Variants in ITGA3 observed in about 807,000 individuals in gnomAD.
ITGA3 encodes the protein integrin alpha-3.
In ITGA3, 70 loss-of-function variants were observed where a neutral mutation model predicts 131.1. The observed-to-expected ratio is 0.53, with a 90% CI of 0.44 to 0.65. ITGA3 has a LOEUF of 0.65. Among genes scored for constraint, ITGA3 ranks in the 30% least tolerant of loss-of-function variants. The pLI is 0.00. For missense variants in ITGA3, 1,098 were observed against 1,388.6 expected (o/e 0.79, Z 3.33); for synonymous variants, 537 against 571.6 (o/e 0.94, Z 0.86).
chr17:50,056,321 G>A lies in ITGA3; in HGVS notation c.-119G>A, dbSNP rs933633966. 3 of 643,232 alleles carry A rather than the reference G, an allele frequency of 4.7e-6. No homozygotes were observed. The highest frequency in any genetic ancestry group is 3.9e-5 in the African/African-American group (2 of 51,098). 39.8% of individuals were successfully genotyped at this position (643,232 alleles called of 1,614,324 possible). On this transcript the variant is annotated 5_prime_UTR_variant, in exon 1 of 26. Coordinates refer to ENST00000320031, the MANE Select transcript of ITGA3 (RefSeq NM_002204.4). This position sits in a 1 kb window ranked among gnomAD's most constrained non-coding sequence, Gnocchi z 5.6. ...GCACGAAACCGATCAGCGCTACGGA[G>A]CGCAGCGGCCGGCGGGTTCCAGTGT...
At position 50,089,359 on chromosome 17, in the gene ITGA3, C is replaced by G. The variant is rs540108856; in HGVS notation, c.*281C>G. 2.7e-6 allele frequency: 3 copies of G among 1,103,644 alleles called. No homozygotes were observed. In the Admixed American group the frequency reaches 6.6e-5, roughly 24 times the overall value. 68.4% of individuals were successfully genotyped at this position (1,103,644 alleles called of 1,614,324 possible). On this transcript the variant is annotated 3_prime_UTR_variant, in exon 26 of 26. Transcript: ENST00000320031. ...TCTGACAGTCCACAGGGGCCACCAC[C>G]TTTGGCTGGTAGCAGCAGGCTCAGG... is the stretch of plus-strand genomic sequence containing the variant.
chr17:50,080,508 T>G, intron 22 of ITGA3, 133 bp downstream of exon 22: 1 of 520,126 alleles, frequency 1.9e-6, no homozygotes, highest in South Asian at 2.5e-5. Context: ...GTGTGTGTGA[T>G]TTGCGTGTCT....
intron 5 of ITGA3, 57 bp downstream of exon 5, chr17:50,070,987 G>C (rs957563043): frequency 9.0e-7 from 1 of 1,114,360 alleles, no homozygotes; most frequent in African/African-American, 1.5e-5. Flanking sequence ...CTTAGTCCCT[G>C]GTGGAAAGGT....
At chr17:50,085,839 T>A (rs1393537479) in intron 23 of ITGA3, among the ~76,000 whole-genome samples, 1 of 73,926 alleles carries the variant, frequency 1.4e-5, no homozygotes, top group African/African-American at 4.0e-5. Context: ...AGATTATACA[T>A]TATAGATTTA....
At chr17:50,083,643 G>T (rs1909270234) in intron 23 of ITGA3, among the ~76,000 whole-genome samples, 1 of 150,506 alleles carries the variant, frequency 6.6e-6, no homozygotes, top group Non-Finnish European at 1.5e-5. Flanking sequence ...AGAATCGCTT[G>T]AGCTCAGGAG....
At position 50,079,430 on chromosome 17, in the gene ITGA3, T is replaced by A. The variant is rs572961635; in HGVS notation, c.2584-5T>A. ...CTGCCAGCAAATCTCCTATTTCCTC[T>A]CCAGGACCCTGGGGACAGGCCATCA... On this transcript the variant is annotated splice_region_variant and splice_polypyrimidine_tract_variant and intron_variant, in intron 20 of 25. Coordinates refer to ENST00000320031, the MANE Select transcript of ITGA3 (RefSeq NM_002204.4). 1.9e-6 allele frequency: 3 copies of A among 1,558,908 alleles called. No homozygotes were observed. The highest frequency in any genetic ancestry group is 2.6e-6 in the Non-Finnish European group (3 of 1,151,710).
At chr17:50,082,279 T>C (rs924463102) in intron 23 of ITGA3, among the ~76,000 whole-genome samples, 3 of 152,152 alleles carry the variant, frequency 2.0e-5, no homozygotes, top group African/African-American at 7.2e-5. Context: ...CCCTGGTTCA[T>C]GCCATTCTCC....
Position 50,078,816 on chromosome 17 carries a change from AC to A in ITGA3, c.2298-4del, listed in dbSNP as rs1283245847. The A allele has an allele frequency of 2.5e-6, 4 of 1,573,124 alleles. No individual in the cohort carries two copies. The East Asian group carries it at 9.0e-5, about 35-fold the overall frequency. On this transcript the variant is annotated splice_polypyrimidine_tract_variant and splice_region_variant and intron_variant, in intron 18 of 25. Transcript: ENST00000320031. ...CCCCCGTGACTCCAGCATCCTTCTT[AC>A]CCCTAGGGTAAATCACCGGCTACAA...
intron 7 of ITGA3, among the ~76,000 whole-genome samples, chr17:50,072,563 G>A (rs946701486): frequency 2.0e-5 from 3 of 152,198 alleles, no homozygotes; most frequent in African/African-American, 7.2e-5. Context: ...GTGGGGTGAG[G>A]ATGGATGCTT....
chr17:50,064,289 AG>A lies in ITGA3; in HGVS notation c.334+87del. 1 of 1,508,698 alleles carries A rather than the reference AG, an allele frequency of 6.6e-7. No individual in the cohort carries two copies. Among genetic ancestry groups the A allele is most frequent in the Non-Finnish European group, 8.9e-7 (1 of 1,118,856 alleles). The allele number at this position is 1,508,698 out of a possible 1,614,324, so 93.5% of individuals were successfully genotyped here. On this transcript the variant is annotated intron_variant, in intron 2 of 25. Transcript: ENST00000320031. The surrounding 1 kb of genome is among the most constrained non-coding windows in gnomAD (Gnocchi z 4.4). ...GAGAGAATGGCCTGGAGGAGATAGA[AG>A]GCTTGTTCACACGGCTTCTAGTCGC...
intron 23 of ITGA3, among the ~76,000 whole-genome samples, chr17:50,084,244 AAAAAAAAAAAAAG>A (rs1909298724): frequency 1.3e-5 from 2 of 150,898 alleles, no homozygotes; most frequent in African/African-American, 4.9e-5. Flanking sequence ...AAAAAAAAAA[AAAAAAAAAAAAAG>A]AATAATGCTG....
At chr17:50,067,883 G>T (rs1908410196) in intron 3 of ITGA3, among the ~76,000 whole-genome samples, 173 bp from the exon 4 acceptor site, 1 of 152,244 alleles carries the variant, frequency 6.6e-6, no homozygotes, top group Non-Finnish European at 1.5e-5. Context: ...CCTCAGAGCA[G>T]ATTTCTGAAT....
At chr17:50,068,371 G>A (rs2044481019) in intron 4 of ITGA3, 66 bp downstream of exon 4, 5 of 1,563,738 alleles carry the variant, frequency 3.2e-6, no homozygotes, top group African/African-American at 2.7e-5. Context: ...AGTTAGCCAC[G>A]GGGACAGCTG....
At position 50,078,848 on chromosome 17, in the gene ITGA3, C is replaced by G. The variant is rs779009108; in HGVS notation, c.2322C>G (p.Phe774Leu). 1.8e-5 allele frequency: 29 copies of G among 1,612,612 alleles called. No individual in the cohort carries two copies. Among genetic ancestry groups the G allele is most frequent in the Non-Finnish European group, 2.2e-5 (26 of 1,178,640 alleles). Residue 774 changes from phenylalanine to leucine, a missense_variant, in exon 19 of 26, where the codon TTC (phenylalanine) becomes TTG (leucine). Physicochemically the swap from Phe to Leu is conservative, Grantham distance 22. This residue lies in a region of ITGA3 where 699 missense variants were observed against 829.2 expected (regional missense o/e 0.84). Coordinates refer to ENST00000320031, the MANE Select transcript of ITGA3 (RefSeq NM_002204.4). ...GGGTAAATCACCGGCTACAAAGCTT[C>G]TTTGGGGGGACAGTGATGGGTGAGT... ...LSMVNHRLQS[F>L]FGGTVMGESG...
intron 23 of ITGA3, among the ~76,000 whole-genome samples, chr17:50,085,873 A>G (rs1170722368): frequency 7.5e-6 from 1 of 133,310 alleles, no homozygotes; most frequent in African/African-American, 2.8e-5. Context: ...ATTATACATT[A>G]TAGATTTATA....
chr17:50,076,811 G>C, intron 14 of ITGA3, 130 bp downstream of exon 14: 1 of 1,156,068 alleles, frequency 8.7e-7, no homozygotes, highest in Non-Finnish European at 1.3e-6. Context: ...CAGGTGGGAT[G>C]GTCAGAAACG....
intron 15 of ITGA3, 98 bp downstream of exon 15, chr17:50,077,219 GC>G: frequency 7.4e-7 from 1 of 1,358,044 alleles, no homozygotes; most frequent in Non-Finnish European, 1.0e-6. Flanking sequence ...TCTGCCACGT[GC>G]CCACCTCCTC....
In ITGA3 at chr17:50,064,243, G is replaced by A; in HGVS notation, c.334+39G>A. On this transcript the variant is annotated intron_variant, in intron 2 of 25. Coordinates refer to ENST00000320031, the MANE Select transcript of ITGA3 (RefSeq NM_002204.4). This position sits in a 1 kb window ranked among gnomAD's most constrained non-coding sequence, Gnocchi z 4.4. ...GCTGGGGAGGGGTGCTGGGTCAGAG[G>A]TCTGGCAGGGGGGTACCGCAGAGAG... 6.3e-7 allele frequency: 1 copy of A among 1,581,196 alleles called. No homozygotes were observed. Among genetic ancestry groups the A allele is most frequent in the Non-Finnish European group, 8.6e-7 (1 of 1,165,562 alleles).
intron 14 of ITGA3, 96 bp downstream of exon 14, chr17:50,076,777 C>T (rs1908927446): frequency 1.6e-6 from 2 of 1,275,676 alleles, no homozygotes; most frequent in South Asian, 1.2e-5. Context: ...CAAGGCGAGC[C>T]CAGGGACAGG....
Sources: gnomAD v4.1 joint callset for allele counts (sites outside exome capture counted in the v4.1 genomes callset) on GRCh38, gnomAD v4.1.1 for gene constraint, gnomAD v4.1.1 regional missense constraint, Gnocchi (gnomAD v3.1) non-coding constraint, MANE v1.5 for transcripts, NCBI Gene and HGNC (gene_info 2026-07-23, HGNC 2026-07-21) for gene names.